ABCA12: variants seen among roughly 807,000 people sequenced by gnomAD.
ABCA12 encodes ATP binding cassette subfamily A member 12.
ABCA12 carries 156 observed loss-of-function variants against 293.5 expected under a neutral mutation model. That is an observed-to-expected ratio of 0.53 (90% CI 0.47 to 0.61). The LOEUF (loss-of-function observed/expected upper bound fraction) is 0.61. ABCA12 is among the 20% of genes least tolerant of loss of function. The probability of loss-of-function intolerance (pLI) is 0.00; values close to 1 mark genes in which losing one functional copy is unlikely to be tolerated. For missense variants in ABCA12, 2,797 were observed against 3,090.2 expected (o/e 0.91, Z 2.25); for synonymous variants, 1,063 against 1,108.0 (o/e 0.96, Z 0.81).
At chr2:214,996,663 G>A (rs1398648969) in intron 23 of ABCA12, among the ~76,000 whole-genome samples, 1 of 152,118 alleles carries the variant, frequency 6.6e-6, no homozygotes, top group Non-Finnish European at 1.5e-5. Context: ...CAGCTGTGTG[G>A]ATCAACCAAA....
intron 19 of ABCA12, among the ~76,000 whole-genome samples, chr2:215,004,626 A>G (rs1383197661): frequency 6.6e-6 from 1 of 152,222 alleles, no homozygotes; most frequent in Non-Finnish European, 1.5e-5. Flanking sequence ...TTTTTAATGT[A>G]TACTATACAC....
At chr2:215,012,393 C>T (rs1208265896) in intron 15 of ABCA12, among the ~76,000 whole-genome samples, 1 of 151,976 alleles carries the variant, frequency 6.6e-6, no homozygotes, top group Admixed American at 6.6e-5. Context: ...AAAGGGAAAA[C>T]AATCCAGGTG....
chr2:215,028,689 T>C (rs773986101), intron 9 of ABCA12, among the ~76,000 whole-genome samples: 3 of 152,184 alleles, frequency 2.0e-5, no homozygotes, highest in Non-Finnish European at 2.9e-5. Flanking sequence ...ATTATTACTG[T>C]TAAAAATGCA....
chr2:215,095,906 G>T (rs1292724482), intron 2 of ABCA12, among the ~76,000 whole-genome samples: 1 of 150,742 alleles, frequency 6.6e-6, no homozygotes, highest in Non-Finnish European at 1.5e-5. Context: ...CTATAAAACT[G>T]CCCCACCCCT....
Position 214,947,563 on chromosome 2 carries a change from G to A in ABCA12, c.7105-7C>T, listed in dbSNP as rs1352130462. On this transcript the variant is annotated splice_polypyrimidine_tract_variant and splice_region_variant and intron_variant, in intron 47 of 52. Transcript: ENST00000272895. ...TAAGGAGTTTATGAACAGTCTGTAG[G>A]CAATAAAAGGGGAGTTAGGTTGACC... 7 of 1,613,438 alleles carry A rather than the reference G, an allele frequency of 4.3e-6. No homozygotes were observed. In the South Asian group the frequency reaches 6.6e-5, roughly 15 times the overall value.
chr2:215,000,291 T>C (rs566073446), intron 22 of ABCA12, among the ~76,000 whole-genome samples: 1 of 152,326 alleles, frequency 6.6e-6, no homozygotes, highest in African/African-American at 2.4e-5. Context: ...AAATTGATCA[T>C]GCGCTCAGAT....
intron 5 of ABCA12, among the ~76,000 whole-genome samples, chr2:215,051,325 G>T (rs115676688): frequency 0.035 from 5,309 of 152,152 alleles, 296 homozygotes; most frequent in African/African-American, 0.12. Flanking sequence ...GTCTAGATTG[G>T]ACAGATTGAA....
At chr2:214,950,316 C>A (rs994525018) in intron 45 of ABCA12, among the ~76,000 whole-genome samples, 2 of 150,446 alleles carry the variant, frequency 1.3e-5, no homozygotes, top group African/African-American at 2.5e-5. Context: ...AGGGATGACT[C>A]TATATGTGTA....
intron 2 of ABCA12, among the ~76,000 whole-genome samples, chr2:215,099,998 A>G (rs1399108997): frequency 1.4e-5 from 2 of 147,806 alleles, no homozygotes; most frequent in South Asian, 2.1e-4. Flanking sequence ...GATGAAATTG[A>G]TCTCTCTCTC....
intron 1 of ABCA12, among the ~76,000 whole-genome samples, chr2:215,135,472 G>A (rs1703205699): frequency 6.6e-6 from 1 of 152,102 alleles, no homozygotes; most frequent in Admixed American, 6.5e-5. Context: ...TCATGGTGGT[G>A]ATGCTTCCAT....
chr2:215,071,256 A>G (rs1043826891), intron 2 of ABCA12, among the ~76,000 whole-genome samples: 29 of 148,022 alleles, frequency 2.0e-4, no homozygotes, highest in Admixed American at 8.2e-4. Context: ...AAAATAAAAT[A>G]AAAAATAAAT....
chr2:214,937,540 C>T lies in ABCA12; in HGVS notation c.7512G>A (p.Met2504Ile). The T allele has an allele frequency of 6.2e-7, 1 of 1,613,912 alleles. No homozygotes were observed. Among genetic ancestry groups the T allele is most frequent in the South Asian group, 1.1e-5 (1 of 91,078 alleles). ...AGTATGTTTTTGGAAAGTGCAGCTG[C>T]ATGAACTTTGTGAGGGTCTCCATGG... ...KVTMETLTKFMQLHFPKTYLK... is the reference protein window; with the variant it reads ...KVTMETLTKFIQLHFPKTYLK... The change falls in exon 51 of 53, where the codon ATG becomes ATA. Residue 2504 changes from methionine to isoleucine, a missense_variant. Met to Ile is a conservative substitution (Grantham distance 10). This residue lies in a region of ABCA12 where 2,130 missense variants were observed against 2,427.0 expected (regional missense o/e 0.88). Transcript: ENST00000272895.
intron 5 of ABCA12, 40 bp from the exon 6 acceptor site, chr2:215,049,851 T>C: frequency 1.9e-6 from 3 of 1,547,450 alleles, no homozygotes; most frequent in South Asian, 2.3e-5. Flanking sequence ...AGAGTGTTAA[T>C]AAATGTAGAT....
chr2:214,992,718 CGGGCA>C (rs1291421506), intron 23 of ABCA12, among the ~76,000 whole-genome samples: 1 of 150,688 alleles, frequency 6.6e-6, no homozygotes, highest in African/African-American at 2.4e-5. Context: ...AAAAATTAGC[CGGGCA>C]TGGTGGTGGT....
chr2:214,974,439 A>G (rs1375709341), intron 35 of ABCA12, among the ~76,000 whole-genome samples: 1 of 152,122 alleles, frequency 6.6e-6, no homozygotes, highest in Non-Finnish European at 1.5e-5. Context: ...ATATAGTGCA[A>G]ATGAGAACTG....
chr2:214,974,521 C>A (rs1320445335), intron 35 of ABCA12, among the ~76,000 whole-genome samples: 2 of 151,800 alleles, frequency 1.3e-5, no homozygotes, highest in African/African-American at 4.8e-5. Flanking sequence ...GATTAATAAT[C>A]CACAAGATTG....
Position 214,984,791 on chromosome 2 carries a change from G to A in ABCA12, c.4164-926C>T, listed in dbSNP as rs148060716. Among the ~76,000 whole-genome samples, 1,081 of 152,082 alleles carry A rather than the reference G, an allele frequency of 7.1e-3. 11 individuals carry two copies. Among genetic ancestry groups the A allele is most frequent in the Middle Eastern group, 0.021 (6 of 292 alleles). On this transcript the variant is annotated intron_variant, in intron 28 of 52. Coordinates refer to ENST00000272895, the MANE Select transcript of ABCA12 (RefSeq NM_173076.3). ...TCACCGTTTTCACAGCTATCCTCAT[G>A]GGACCATCACCATCACCACCTGCCT...
chr2:214,975,539 C>T (rs368288205), intron 34 of ABCA12, among the ~76,000 whole-genome samples: 21 of 152,156 alleles, frequency 1.4e-4, no homozygotes, highest in Middle Eastern at 3.4e-3. Context: ...TAATTAAAGT[C>T]GTCATTATAA....
chr2:214,956,926 A>G (rs1698969785), intron 41 of ABCA12, 148 bp from the exon 42 acceptor site: 2 of 641,320 alleles, frequency 3.1e-6, no homozygotes, highest in East Asian at 2.8e-5. Flanking sequence ...CATTGCTTCT[A>G]ACATTCAACT....
Sources: gnomAD v4.1 joint callset for allele counts (sites outside exome capture counted in the v4.1 genomes callset) on GRCh38, gnomAD v4.1.1 for gene constraint, gnomAD v4.1.1 regional missense constraint, MANE v1.5 for transcripts, NCBI Gene and HGNC (gene_info 2026-07-23, HGNC 2026-07-21) for gene names.